MED15: variants seen among roughly 807,000 people sequenced by gnomAD.
The protein encoded by MED15 is mediator complex subunit 15.
In MED15, 41 loss-of-function variants were observed where a neutral mutation model predicts 118.7. The ratio of observed to expected loss-of-function variants is 0.35; its 90% CI spans 0.27 to 0.45. The LOEUF is 0.45. Among genes scored for constraint, MED15 ranks in the 20% least tolerant of loss-of-function variants. The pLI is 1.00. For missense variants in MED15, 740 were observed against 1,025.5 expected, an observed-to-expected ratio of 0.72 and a Z score of 3.80; for synonymous variants, 436 against 413.9, an observed-to-expected ratio of 1.05 and a Z score of -0.65.
intron 1 of MED15, chr22:20,508,449 G>A (rs2053950618): frequency 7.8e-7 from 1 of 1,286,188 alleles, no homozygotes; most frequent in Non-Finnish European, 1.0e-6. Context: ...CTTTGTGTGA[G>A]CAATAAAGCT....
intron 1 of MED15, among the ~76,000 whole-genome samples, chr22:20,517,918 C>T (rs1285037235): frequency 2.0e-5 from 3 of 152,268 alleles, no homozygotes; most frequent in Non-Finnish European, 4.4e-5. Flanking sequence ...TCGATTTCCT[C>T]CAAGGGCGCA....
chr22:20,513,936 C>A (rs5756675), intron 1 of MED15, among the ~76,000 whole-genome samples: 9,207 of 152,124 alleles, frequency 0.061, 645 homozygotes, highest in East Asian at 0.38. Context: ...TGATCTTGGC[C>A]CACTGCAACC....
chr22:20,525,833 GC>G (rs1330238424), intron 1 of MED15, among the ~76,000 whole-genome samples: 1 of 151,922 alleles, frequency 6.6e-6, no homozygotes, highest in African/African-American at 2.4e-5. Context: ...CCTGCACCCG[GC>G]CACGTGACCC....
chr22:20,537,146 C>T lies in MED15; in HGVS notation c.98C>T (p.Ala33Val), dbSNP rs1022678209. 2.6e-5 allele frequency: 42 copies of T among 1,613,860 alleles called. No homozygotes were observed. Among genetic ancestry groups the T allele is most frequent in the Non-Finnish European group, 3.5e-5 (41 of 1,179,876 alleles). The change falls in exon 2 of 18, where the codon GCA (alanine) becomes GTA (valine). Residue 33 changes from alanine (A) to valine (V), a missense_variant. By Grantham distance (64) the Ala-to-Val change is moderately conservative. Coordinates refer to ENST00000263205, the MANE Select transcript of MED15 (RefSeq NM_001003891.3). ...GATGCCATGAGGAAAGCTGGTGTGG[C>T]ACACAGTAAATCCAGCAAGGATATG... ...IEDAMRKAGV[A>V]HSKSSKDMES...
At chr22:20,529,818 C>T (rs562562138) in intron 1 of MED15, among the ~76,000 whole-genome samples, 11 of 152,254 alleles carry the variant, frequency 7.2e-5, no homozygotes, top group African/African-American at 1.2e-4. Context: ...TCTCGAACTC[C>T]GGACCTCAGG....
rs141307700 is a variant in MED15 at position 20,559,734 on chromosome 22, G to A, written c.451+4586G>A. ...ACATTTGTATGCCAGCAAGACTCAA[G>A]GATGTGGAAAGCAAGCCATTTTTAG... On this transcript the variant is annotated intron_variant, in intron 5 of 17. Transcript: ENST00000263205. 1.6e-3 allele frequency among the ~76,000 whole-genome samples: 244 copies of A among 152,338 alleles called. 1 individual carries two copies. The highest frequency in any genetic ancestry group is 5.5e-3 in the African/African-American group (229 of 41,578).
chr22:20,557,998 C>T (rs867765073), intron 5 of MED15, among the ~76,000 whole-genome samples: 27 of 152,196 alleles, frequency 1.8e-4, no homozygotes, highest in South Asian at 2.1e-4. Context: ...CCCAGCTACT[C>T]GGGAGACTAA....
chr22:20,562,558 A>AT (rs1371966279), intron 5 of MED15, among the ~76,000 whole-genome samples: 1 of 151,984 alleles, frequency 6.6e-6, no homozygotes, highest in African/African-American at 2.4e-5. Context: ...TAATTTTTGT[A>AT]TTTTTAGTAG....
intron 1 of MED15, among the ~76,000 whole-genome samples, chr22:20,515,563 G>A (rs1272668875): frequency 6.6e-6 from 1 of 152,182 alleles, no homozygotes; most frequent in Admixed American, 6.5e-5. Flanking sequence ...GCTAAGGTGG[G>A]TGGATTGCTT....
chr22:20,532,067 G>A (rs2054883694), intron 1 of MED15, among the ~76,000 whole-genome samples: 1 of 152,236 alleles, frequency 6.6e-6, no homozygotes, highest in Non-Finnish European at 1.5e-5. Context: ...AAAGCAAGCA[G>A]GGGCCTGGGT....
At chr22:20,525,193 A>C (rs536924157) in intron 1 of MED15, among the ~76,000 whole-genome samples, 47 of 152,232 alleles carry the variant, frequency 3.1e-4, no homozygotes, top group African/African-American at 1.1e-3. Context: ...CGGGAGACTG[A>C]GGAGGGAGGA....
intron 9 of MED15, among the ~76,000 whole-genome samples, chr22:20,577,992 C>T (rs94001): frequency 0.45 from 67,876 of 151,792 alleles, 15,530 homozygotes; most frequent in East Asian, 0.52. Flanking sequence ...TGGCGCACTC[C>T]TGGCTCACTG....
intron 1 of MED15, among the ~76,000 whole-genome samples, chr22:20,517,362 C>G (rs1208542660): frequency 6.6e-6 from 1 of 152,234 alleles, no homozygotes; most frequent in Non-Finnish European, 1.5e-5. Flanking sequence ...TGTGCTCCAT[C>G]ATACCAAGCT....
rs1425924886 is a variant in MED15 at position 20,585,284 on chromosome 22, C to T, written c.2131+17C>T. 1 of 1,609,754 alleles carries T rather than the reference C, an allele frequency of 6.2e-7. No individual in the cohort carries two copies. Among genetic ancestry groups the T allele is most frequent in the Non-Finnish European group, 8.5e-7 (1 of 1,177,368 alleles). ...GCAAGCTGGGTGAGTGTCCAGAGGG[C>T]CGGGACTGGTGTGGGAAAGCAGGCC... On this transcript the variant is annotated intron_variant, in intron 16 of 17. Transcript: ENST00000263205.
Position 20,555,142 on chromosome 22 carries a change from C to T in MED15, c.445C>T (p.Pro149Ser). Residue 149 changes from proline (P) to serine (S), a missense_variant, in exon 5 of 18, where the codon CCA becomes TCA. This residue lies in a region of MED15 where 117 missense variants were observed against 124.6 expected (regional missense o/e 0.94). Coordinates refer to ENST00000263205, the MANE Select transcript of MED15 (RefSeq NM_001003891.3). Reference sequence around the variant, plus strand: ...CATGGCTGTCGTGTCTACGGCAACTCCACAGAGTGAGTACCACACTTCTTG... The same window carrying T: ...CATGGCTGTCGTGTCTACGGCAACTTCACAGAGTGAGTACCACACTTCTTG... ...HSMAVVSTATPQTQLQLQQVA... is the reference protein window; with the variant it reads ...HSMAVVSTATSQTQLQLQQVA... 6.3e-7 allele frequency: 1 copy of T among 1,597,968 alleles called. No homozygotes were observed. Among genetic ancestry groups the T allele is most frequent in the East Asian group, 2.3e-5 (1 of 44,276 alleles).
chr22:20,575,224 A>T lies in MED15; in HGVS notation c.1264A>T (p.Met422Leu). 6.2e-7 allele frequency: 1 copy of T among 1,613,858 alleles called. No homozygotes were observed. The highest frequency in any genetic ancestry group is 8.5e-7 in the Non-Finnish European group (1 of 1,180,030). ...CTCCATCCCTTTGGGCAGACAGCCC[A>T]TGGCACAGGTATTTACGGGGCAGCG... is the stretch of plus-strand genomic sequence containing the variant. ...SSSIPLGRQPMAQVSQSSLPM... is the reference protein window; with the variant it reads ...SSSIPLGRQPLAQVSQSSLPM... The change falls in exon 9 of 18, where the codon ATG becomes TTG. Residue 422 changes from methionine (M) to leucine (L), a missense_variant. Physicochemically the swap from Met to Leu is conservative, Grantham distance 15. This residue lies in a region of MED15 where 384 missense variants were observed against 506.3 expected (regional missense o/e 0.76). Coordinates refer to ENST00000263205, the MANE Select transcript of MED15 (RefSeq NM_001003891.3).
At chr22:20,525,975 T>G (rs998889068) in intron 1 of MED15, among the ~76,000 whole-genome samples, 3 of 151,838 alleles carry the variant, frequency 2.0e-5, no homozygotes, top group African/African-American at 7.3e-5. Context: ...GGCTGTAGTG[T>G]AGTGGCACGA....
Position 20,586,917 on chromosome 22 carries a change from G to A in MED15, c.*213G>A, listed in dbSNP as rs1287212227. On this transcript the variant is annotated 3_prime_UTR_variant, in exon 18 of 18. Coordinates refer to ENST00000263205, the MANE Select transcript of MED15 (RefSeq NM_001003891.3). The stretch of plus-strand genomic sequence containing the variant: ...GCGGGTTGCTTGGGGGGCGTTGGCC[G>A]ACTTCTTAGAGAAGGCCCTCCATGT... 5 of 681,614 alleles carry A rather than the reference G, an allele frequency of 7.3e-6. No homozygotes were observed. Among genetic ancestry groups the A allele is most frequent in the South Asian group, 4.3e-5 (2 of 45,994 alleles). 42.2% of individuals were successfully genotyped at this position (681,614 alleles called of 1,614,324 possible). A position where few individuals can be genotyped will look rare whatever the true frequency, so the allele number is the denominator to read the frequency against.
In MED15 at chr22:20,511,465, C is replaced by G. The variant is rs549473336; in HGVS notation, c.68+3719C>G. Reference sequence around the variant, plus strand: ...TACGTTCACACCACTGCACTCCAACCTGGGCCACAGAGCAAGACCCTTCTC... The same window carrying G: ...TACGTTCACACCACTGCACTCCAACGTGGGCCACAGAGCAAGACCCTTCTC... On this transcript the variant is annotated intron_variant, in intron 1 of 17. Transcript: ENST00000263205. Among the ~76,000 whole-genome samples the G allele has an allele frequency of 6.0e-5, 9 of 151,182 alleles. No homozygotes were observed. The East Asian group carries it at 1.8e-3, about 29-fold the overall frequency.
Sources: allele counts gnomAD v4.1 joint callset (sites outside exome capture counted in the v4.1 genomes callset), GRCh38; gene constraint gnomAD v4.1.1; regional missense constraint gnomAD v4.1.1; transcripts MANE v1.5; gene names NCBI Gene and HGNC (gene_info 2026-07-23, HGNC 2026-07-21).